Variants in NELFCD observed in about 807,000 individuals in gnomAD.
NELFCD encodes the protein negative elongation factor C/D.
Under a neutral mutation model 72.9 loss-of-function variants are expected in NELFCD, and 48 were observed. The observed-to-expected ratio is 0.66, with a 90% CI of 0.52 to 0.84. The LOEUF is 0.84. NELFCD is among the 40% of genes least tolerant of loss of function. The pLI, the probability that NELFCD is intolerant of heterozygous loss-of-function variation, is 0.00. For missense variants in NELFCD, 538 were observed against 723.8 expected (o/e 0.74, Z 2.94); for synonymous variants, 297 against 280.6 (o/e 1.06, Z -0.59).
chr20:58,986,828 CTG>C lies in NELFCD; in HGVS notation c.254_255del (p.Val85GlufsTer13). On this transcript the variant is annotated frameshift_variant, in exon 3 of 15. Coordinates refer to ENST00000652272, the MANE Select transcript of NELFCD (RefSeq NM_198976.4). LOFTEE classifies it high-confidence loss of function. The surrounding 1 kb of genome is among the most constrained non-coding windows in gnomAD (Gnocchi z 4.4). ...GAAAACTACACCGCTGTGGCCCAGA[CTG>C]TGAACCTGCTGGCCGAGTGGCTCAT... 2 of 1,614,056 alleles carry C rather than the reference CTG, an allele frequency of 1.2e-6. No individual in the cohort carries two copies. Among genetic ancestry groups the C allele is most frequent in the East Asian group, 2.2e-5 (1 of 44,872 alleles).
chr20:58,991,831 G>A (rs201331435), intron 9 of NELFCD, 50 bp from the exon 10 acceptor site: 9 of 1,596,726 alleles, frequency 5.6e-6, no homozygotes, highest in Middle Eastern at 1.7e-4. Flanking sequence ...CACCCCGACA[G>A]CAGGGATATC....
chr20:58,981,514 T>TG (rs1421681795), intron 1 of NELFCD, 145 bp downstream of exon 1: 27 of 197,354 alleles, frequency 1.4e-4, no homozygotes, highest in Admixed American at 1.0e-3. Context: ...GGTCACCGTG[T>TG]GGTTCAAGCA....
chr20:58,990,816 A>T, intron 7 of NELFCD, 94 bp from the exon 8 acceptor site: 2 of 1,136,240 alleles, frequency 1.8e-6, no homozygotes, highest in Non-Finnish European at 2.5e-6. Context: ...ACAGAAAAAC[A>T]GATCCCAACA....
intron 9 of NELFCD, 198 bp from the exon 10 acceptor site, chr20:58,991,683 G>GT: frequency 1.3e-6 from 1 of 742,550 alleles, no homozygotes; most frequent in East Asian, 2.7e-5. Flanking sequence ...ACTGATTTCC[G>GT]TAAGACATGG....
At chr20:58,983,715 C>T (rs536767393) in intron 1 of NELFCD, among the ~76,000 whole-genome samples, 5 of 152,286 alleles carry the variant, frequency 3.3e-5, no homozygotes, top group Admixed American at 6.5e-5. Flanking sequence ...TGTGAGCTAC[C>T]GTGCCCGGCC....
intron 4 of NELFCD, 66 bp from the exon 5 acceptor site, chr20:58,988,848 A>C (rs2091791628): frequency 3.4e-6 from 4 of 1,175,378 alleles, no homozygotes; most frequent in Non-Finnish European, 5.1e-6. Context: ...CGTTTATACA[A>C]CAGAATCTCC....
At chr20:58,988,855 C>A in intron 4 of NELFCD, 59 bp from the exon 5 acceptor site, 1 of 1,209,968 alleles carries the variant, frequency 8.3e-7, no homozygotes, top group South Asian at 1.2e-5. Flanking sequence ...ACAACAGAAT[C>A]TCCACTCAAG....
In NELFCD at chr20:58,986,853, C is replaced by T; in HGVS notation, c.276C>T (p.Leu92=). 7 of 1,612,898 alleles carry T rather than the reference C, an allele frequency of 4.3e-6. No homozygotes were observed. The highest frequency in any genetic ancestry group is 5.1e-6 in the Non-Finnish European group (6 of 1,179,038). ...AQTVNLLAEW[L]IQTGVEPVQV... ...CTGTGAACCTGCTGGCCGAGTGGCT[C>T]ATTCAGACAGGTGCTTTGTGGGTGT... The change falls in exon 3 of 15, where the codon CTC becomes CTT. Residue 92 remains leucine (L), a synonymous_variant. Coordinates refer to ENST00000652272, the MANE Select transcript of NELFCD (RefSeq NM_198976.4). This position sits in a 1 kb window ranked among gnomAD's most constrained non-coding sequence, Gnocchi z 4.4.
At chr20:58,991,548 C>G (rs2091817394) in intron 9 of NELFCD, 102 bp downstream of exon 9, 3 of 1,336,396 alleles carry the variant, frequency 2.2e-6, no homozygotes, top group Non-Finnish European at 2.1e-6. Context: ...CTTGACCCTC[C>G]CTAGTATCAG....
At chr20:58,982,477 C>T (rs1447850211) in intron 1 of NELFCD, among the ~76,000 whole-genome samples, 1 of 152,146 alleles carries the variant, frequency 6.6e-6, no homozygotes, top group Non-Finnish European at 1.5e-5. Context: ...GCATTTTTAA[C>T]AACAATCAAG....
chr20:58,984,624 G>C (rs1310358343), intron 1 of NELFCD, among the ~76,000 whole-genome samples: 4 of 152,218 alleles, frequency 2.6e-5, no homozygotes, highest in Admixed American at 1.3e-4. Flanking sequence ...GTAGGAAGAA[G>C]ATCTGTTTCT....
intron 7 of NELFCD, 25 bp from the exon 8 acceptor site, chr20:58,990,885 G>A (rs369216381): frequency 3.8e-5 from 61 of 1,589,654 alleles, no homozygotes; most frequent in Non-Finnish European, 4.8e-5. Flanking sequence ...TGTTAGTAAC[G>A]GGGTCTATGG....
rs1569059380 is a variant in NELFCD, at chr20:58,991,366, G to T, written c.1009G>T (p.Ala337Ser). The T allele has an allele frequency of 1.2e-6, 2 of 1,614,186 alleles. No individual in the cohort carries two copies. Among genetic ancestry groups the T allele is most frequent in the Non-Finnish European group, 8.5e-7 (1 of 1,180,040 alleles). The change falls in exon 9 of 15, where the codon GCT (alanine) becomes TCT (serine). Residue 337 changes from alanine to serine, a missense_variant. Physicochemically the swap from Ala to Ser is moderately conservative, Grantham distance 99. Coordinates refer to ENST00000652272, the MANE Select transcript of NELFCD (RefSeq NM_198976.4). ...CATGCAGTCACTCTTTAAACCAGGG[G>T]CTCGGATCAACCAGGACCACAAGCA... ...LFMQSLFKPG[A>S]RINQDHKHKY...
chr20:58,981,650 C>G (rs917425174), intron 1 of NELFCD, among the ~76,000 whole-genome samples: 1 of 151,388 alleles, frequency 6.6e-6, no homozygotes, highest in Non-Finnish European at 1.5e-5. Context: ...CGGCCCGAGG[C>G]CCCCAGTACC....
chr20:58,982,610 A>G (rs1173455437), intron 1 of NELFCD, among the ~76,000 whole-genome samples: 3 of 152,212 alleles, frequency 2.0e-5, no homozygotes, highest in African/African-American at 7.2e-5. Context: ...CTAAAATGCC[A>G]AGGCGGGCGA....
rs1194934593 is a variant in NELFCD at position 58,992,994 on chromosome 20, G to A, written c.1230-4G>A. 2.5e-6 allele frequency: 4 copies of A among 1,606,500 alleles called. No homozygotes were observed. Among genetic ancestry groups the A allele is most frequent in the African/African-American group, 2.7e-5 (2 of 74,696 alleles). ...TTAAAGGAAGCATTCTGCCTTAACT[G>A]TAGGTTTCCAGTGGTAGCAATGGGT... On this transcript the variant is annotated splice_region_variant and splice_polypyrimidine_tract_variant and intron_variant, in intron 10 of 14. Coordinates refer to ENST00000652272, the MANE Select transcript of NELFCD (RefSeq NM_198976.4).
In NELFCD at chr20:58,994,716, ACCCGT is replaced by A. The variant is rs1375742768; in HGVS notation, c.*41_*45del. 6.4e-7 allele frequency: 1 copy of A among 1,567,110 alleles called. No individual in the cohort carries two copies. The highest frequency in any genetic ancestry group is 8.7e-7 in the Non-Finnish European group (1 of 1,143,118). The stretch of plus-strand genomic sequence containing the variant: ...CAGAGCTGAAGCAGAACATTCCAGA[ACCCGT>A]TGTGGAAAAACCCTTTCAAGAAGCT... On this transcript the variant is annotated 3_prime_UTR_variant, in exon 15 of 15. Coordinates refer to ENST00000652272, the MANE Select transcript of NELFCD (RefSeq NM_198976.4).
intron 5 of NELFCD, 47 bp from the exon 6 acceptor site, chr20:58,989,441 T>C (rs1453254459): frequency 1.2e-6 from 2 of 1,601,838 alleles, no homozygotes; most frequent in Non-Finnish European, 1.7e-6. Context: ...CCCGTGGAGG[T>C]GCGGTCACTG....
chr20:58,983,562 A>G (rs1163712066), intron 1 of NELFCD, among the ~76,000 whole-genome samples: 2 of 151,760 alleles, frequency 1.3e-5, no homozygotes, highest in African/African-American at 4.8e-5. Flanking sequence ...AGTAGCTGGA[A>G]TTACAGGCCG....
Sources: gnomAD v4.1 joint callset for allele counts (sites outside exome capture counted in the v4.1 genomes callset) on GRCh38, gnomAD v4.1.1 for gene constraint, Gnocchi (gnomAD v3.1) non-coding constraint, MANE v1.5 for transcripts, NCBI Gene and HGNC (gene_info 2026-07-23, HGNC 2026-07-21) for gene names.